The following GPM6A variants were observed in gnomAD, a reference collection of about 807,000 sequenced individuals.
The protein encoded by GPM6A is neuronal membrane glycoprotein M6-a.
Under a neutral mutation model 32.1 loss-of-function variants are expected in GPM6A, and 7 were observed. The observed-to-expected ratio is 0.22, with a 90% confidence interval of 0.12 to 0.41. GPM6A has a LOEUF of 0.41. GPM6A is among the 10% of genes least tolerant of loss of function. The probability of loss-of-function intolerance (pLI) is 1.00; values close to 1 mark genes in which losing one functional copy is unlikely to be tolerated. For missense variants in GPM6A, 235 were observed against 347.2 expected, an observed-to-expected ratio of 0.68 and a Z score of 2.57; for synonymous variants, 130 against 123.4, an observed-to-expected ratio of 1.05 and a Z score of -0.35.
At chr4:175,635,646 G>A (rs574603086) in intron 6 of GPM6A, among the ~76,000 whole-genome samples, 18 of 152,190 alleles carry the variant, frequency 1.2e-4, no homozygotes, top group African/African-American at 3.9e-4. Context: ...ACAAAAACTG[G>A]AATAGTGCCA....
At chr4:175,930,419 G>GT (rs202070851) in intron 1 of GPM6A, among the ~76,000 whole-genome samples, 41 of 90,678 alleles carry the variant, frequency 4.5e-4, no homozygotes, top group East Asian at 2.1e-3. Context: ...CTTTTCATCT[G>GT]TTTTTTGGGG....
chr4:175,952,002 A>G (rs1211557154), intron 1 of GPM6A, among the ~76,000 whole-genome samples: 1 of 152,238 alleles, frequency 6.6e-6, no homozygotes, highest in African/African-American at 2.4e-5. Context: ...CTTTGGACTC[A>G]CCAGCCTCCA....
intron 1 of GPM6A, among the ~76,000 whole-genome samples, chr4:175,998,859 C>A (rs920623780): frequency 2.6e-5 from 4 of 151,436 alleles, no homozygotes; most frequent in African/African-American, 9.7e-5. Flanking sequence ...TTTCACTAAT[C>A]TCATTATGTC....
intron 6 of GPM6A, among the ~76,000 whole-genome samples, chr4:175,637,746 A>C (rs1394748228): frequency 4.9e-5 from 3 of 61,364 alleles, no homozygotes; most frequent in Non-Finnish European, 8.3e-5. Context: ...TTATATAAAA[A>C]TATAATATAT....
intron 1 of GPM6A, among the ~76,000 whole-genome samples, chr4:175,721,237 A>G (rs1350994675): frequency 6.7e-6 from 1 of 150,336 alleles, no homozygotes; most frequent in Non-Finnish European, 1.5e-5. Flanking sequence ...GCACTCTGGG[A>G]GGCCAAAGTG....
chr4:175,811,987 G>A (rs1734937676), intron 1 of GPM6A: 2 of 501,714 alleles, frequency 4.0e-6, no homozygotes, highest in South Asian at 3.3e-5. Context: ...TCTGCATTTC[G>A]GTACTTATAT....
At chr4:175,964,731 T>C (rs1181473911) in intron 1 of GPM6A, among the ~76,000 whole-genome samples, 2 of 152,166 alleles carry the variant, frequency 1.3e-5, no homozygotes, top group East Asian at 3.9e-4. Flanking sequence ...GGGCACACAA[T>C]TCAGTCCATT....
At chr4:175,812,724 C>T, upstream of GPM6A, 1 of 985,552 alleles carries the variant, frequency 1.0e-6, no homozygotes, top group South Asian at 4.7e-5. Flanking sequence ...CGACCACCAA[C>T]CCGTAATTCC....
At chr4:175,747,056 G>A (rs942244241) in intron 1 of GPM6A, among the ~76,000 whole-genome samples, 1 of 152,098 alleles carries the variant, frequency 6.6e-6, no homozygotes, top group Non-Finnish European at 1.5e-5. Context: ...TGGATCACAA[G>A]GTCAGGAGGT....
chr4:175,962,270 C>G, intron 1 of GPM6A: 1 of 1,329,772 alleles, frequency 7.5e-7, no homozygotes, highest in African/African-American at 1.4e-5. Flanking sequence ...ACTCAAATGC[C>G]TTTTCAACAC....
chr4:175,832,833 T>C (rs558180444), intron 1 of GPM6A, among the ~76,000 whole-genome samples: 2 of 152,306 alleles, frequency 1.3e-5, no homozygotes, highest in African/African-American at 4.8e-5. Context: ...AGTTTCATGG[T>C]GCACATCCAC....
intron 1 of GPM6A, among the ~76,000 whole-genome samples, chr4:175,886,058 A>C (rs562604509): frequency 2.6e-4 from 39 of 152,302 alleles, no homozygotes; most frequent in African/African-American, 9.4e-4. Context: ...TAGCTAGCAG[A>C]AGTTCCAAAA....
chr4:175,642,606 C>T (rs559975311), intron 4 of GPM6A, among the ~76,000 whole-genome samples: 8 of 152,264 alleles, frequency 5.3e-5, no homozygotes, highest in African/African-American at 1.7e-4. Context: ...CATTTGTCTT[C>T]TAAAATCTAC....
rs536825282 is a variant in GPM6A, at chr4:175,978,394, G to A, written c.-23+23915C>T. ...AACACCTCCCTTCCTCGACAGGTGGGGCTTACAAAATTTGAGATGAGATTT... is the reference window on the plus strand; with the variant it reads ...AACACCTCCCTTCCTCGACAGGTGGAGCTTACAAAATTTGAGATGAGATTT... On this transcript the variant is annotated intron_variant, in intron 1 of 7. Coordinates refer to the GPM6A transcript ENST00000280187. 3.3e-5 allele frequency among the ~76,000 whole-genome samples: 5 copies of A among 152,170 alleles called. No individual in the cohort carries two copies. In the East Asian group the frequency reaches 7.7e-4, roughly 24 times the overall value.
intron 1 of GPM6A, among the ~76,000 whole-genome samples, chr4:175,926,583 T>A (rs1387523231): frequency 1.3e-5 from 2 of 152,192 alleles, no homozygotes; most frequent in Non-Finnish European, 2.9e-5. Context: ...TCTAATATGA[T>A]AATCTGAAAA....
chr4:175,747,626 A>C (rs944254092), intron 1 of GPM6A, among the ~76,000 whole-genome samples: 1 of 152,174 alleles, frequency 6.6e-6, no homozygotes, highest in African/African-American at 2.4e-5. Context: ...TTAATTTAAA[A>C]ATCCTTCCTA....
At chr4:175,841,251 A>G (rs1164470622) in intron 1 of GPM6A, among the ~76,000 whole-genome samples, 1 of 152,154 alleles carries the variant, frequency 6.6e-6, no homozygotes, top group African/African-American at 2.4e-5. Flanking sequence ...ATTAACAGTA[A>G]TTTGAGAGTA....
intron 1 of GPM6A, among the ~76,000 whole-genome samples, chr4:175,721,166 T>TATA (rs55909333): frequency 1.4e-5 from 2 of 145,492 alleles, no homozygotes; most frequent in South Asian, 2.1e-4. Context: ...TATATATATA[T>TATA]TTTCTATTTT....
intron 1 of GPM6A, among the ~76,000 whole-genome samples, chr4:175,775,451 T>A (rs1733356057): frequency 6.6e-6 from 1 of 152,164 alleles, no homozygotes. Flanking sequence ...GTTTAGCATA[T>A]ATATTCAGAA....
Sources: allele counts gnomAD v4.1 joint callset (sites outside exome capture counted in the v4.1 genomes callset), GRCh38; gene constraint gnomAD v4.1.1; transcripts MANE v1.5; gene names NCBI Gene and HGNC (gene_info 2026-07-23, HGNC 2026-07-21).